The following ANKS1A variants were observed in gnomAD, a reference collection of about 807,000 sequenced individuals.
ANKS1A encodes the protein ankyrin repeat and sterile alpha motif domain containing 1A, also known as ankyrin repeat and SAM domain-containing protein 1A.
ANKS1A carries 55 observed loss-of-function variants against 120.3 expected under a neutral mutation model. The observed-to-expected ratio is 0.46, with a 90% CI of 0.37 to 0.57. The LOEUF (loss-of-function observed/expected upper bound fraction) is 0.57. Among genes scored for constraint, ANKS1A ranks in the 20% least tolerant of loss-of-function variants. ANKS1A has a pLI of 0.00. For missense variants in ANKS1A, 1,123 were observed against 1,480.3 expected, an observed-to-expected ratio of 0.76 and a Z score of 3.96; for synonymous variants, 590 against 604.7, an observed-to-expected ratio of 0.98 and a Z score of 0.36.
At position 35,086,859 on chromosome 6, in the gene ANKS1A, G is replaced by A. The variant is rs1376980528; in HGVS notation, c.3304-93G>A. 6.0e-5 allele frequency: 76 copies of A among 1,272,110 alleles called. No individual in the cohort carries two copies. Among genetic ancestry groups the A allele is most frequent in the Non-Finnish European group, 8.0e-6 (7 of 872,448 alleles). 78.8% of individuals were successfully genotyped at this position (1,272,110 alleles called of 1,614,324 possible). The stretch of plus-strand genomic sequence containing the variant: ...TAAGGGCTGCCCCTCCCAGCACAGG[G>A]GCCACAGCCTGGCCTGGGGGTGGGA... On this transcript the variant is annotated intron_variant, in intron 22 of 23. Transcript: ENST00000360359. The surrounding 1 kb of genome is among the most constrained non-coding windows in gnomAD (Gnocchi z 5.1).
Position 35,050,328 on chromosome 6 carries a change from T to C in ANKS1A, c.2011-3771T>C, listed in dbSNP as rs1000496982. Among the ~76,000 whole-genome samples the C allele has an allele frequency of 3.0e-4, 46 of 152,270 alleles. No homozygotes were observed. The highest frequency in any genetic ancestry group is 1.1e-3 in the African/African-American group (44 of 41,564). ...ATATTAACAAACACGAGTATAAGTTTTCAGTCAGTTCACGTGAAGTGCACT... is the reference window on the plus strand; with the variant it reads ...ATATTAACAAACACGAGTATAAGTTCTCAGTCAGTTCACGTGAAGTGCACT... On this transcript the variant is annotated intron_variant, in intron 11 of 23. Transcript: ENST00000360359. This position sits in a 1 kb window ranked among gnomAD's most constrained non-coding sequence, Gnocchi z 4.3.
At chr6:34,977,848 C>G (rs1232588274) in intron 3 of ANKS1A, among the ~76,000 whole-genome samples, 1 of 152,180 alleles carries the variant, frequency 6.6e-6, no homozygotes, top group Non-Finnish European at 1.5e-5. Flanking sequence ...GTGTCCCTAA[C>G]TTCAGTATCT....
intron 8 of ANKS1A, among the ~76,000 whole-genome samples, chr6:34,989,021 C>A (rs1772366699): frequency 6.6e-6 from 1 of 152,148 alleles, no homozygotes; most frequent in African/African-American, 2.4e-5. Flanking sequence ...CTACAGACAT[C>A]AAAAACCATA....
rs973681792 is a variant in ANKS1A, at chr6:34,934,369, C to G, written c.198-32870C>G. ...TTCACTGTGTTAGCCAGGACGGTCT[C>G]TATCTCCTGACCTTGTGATCCGCCC... On this transcript the variant is annotated intron_variant, in intron 1 of 23. Coordinates refer to ENST00000360359, the MANE Select transcript of ANKS1A (RefSeq NM_015245.3). 1.3e-5 allele frequency among the ~76,000 whole-genome samples: 2 copies of G among 152,130 alleles called. 1 individual carries two copies. The highest frequency in any genetic ancestry group is 4.1e-4 in the South Asian group (2 of 4,836).
intron 11 of ANKS1A, among the ~76,000 whole-genome samples, chr6:35,037,975 G>A (rs547812068): frequency 2.9e-4 from 44 of 152,126 alleles, no homozygotes; most frequent in South Asian, 1.2e-3. Context: ...CAGGGAGAGG[G>A]CACGATGGAG....
chr6:35,052,534 C>A (rs1436885909), intron 11 of ANKS1A, among the ~76,000 whole-genome samples: 1 of 141,478 alleles, frequency 7.1e-6, no homozygotes, highest in Non-Finnish European at 1.5e-5. Context: ...GGAGTCTTAG[C>A]TATTCAGTGG....
chr6:34,989,789 A>G (rs1394429182), intron 9 of ANKS1A, among the ~76,000 whole-genome samples: 6 of 152,212 alleles, frequency 3.9e-5, no homozygotes, highest in African/African-American at 1.2e-4. Context: ...TGAAGACTCA[A>G]TTAGAAAAGA....
At chr6:35,095,756 A>G (rs1778452013), downstream of ANKS1A, among the ~76,000 whole-genome samples, 1 of 152,114 alleles carries the variant, frequency 6.6e-6, no homozygotes, top group South Asian at 2.1e-4. Flanking sequence ...ACCTAGCACA[A>G]AGACCATCAC....
chr6:35,017,193 A>G (rs951129437), intron 10 of ANKS1A, among the ~76,000 whole-genome samples: 2 of 152,180 alleles, frequency 1.3e-5, no homozygotes, highest in African/African-American at 4.8e-5. Context: ...GTTAACAGAA[A>G]TCTAACAACA....
At chr6:34,915,149 T>C (rs990855343) in intron 1 of ANKS1A, among the ~76,000 whole-genome samples, 1 of 152,250 alleles carries the variant, frequency 6.6e-6, no homozygotes, top group Non-Finnish European at 1.5e-5. Flanking sequence ...CAGGGTCATT[T>C]GAAGTCTATC....
At chr6:34,898,781 C>T (rs145628172) in intron 1 of ANKS1A, among the ~76,000 whole-genome samples, 14 of 151,780 alleles carry the variant, frequency 9.2e-5, no homozygotes, top group East Asian at 1.9e-4. Flanking sequence ...CATGTTTTCA[C>T]GAACTATATT....
intron 1 of ANKS1A, among the ~76,000 whole-genome samples, chr6:34,933,703 T>G (rs1172196829): frequency 4.6e-5 from 7 of 152,242 alleles, no homozygotes; most frequent in African/African-American, 7.2e-5. Context: ...CAACTGCCCT[T>G]CCTTCAAACA....
In ANKS1A at chr6:35,090,755, CAGGGGCAGA is replaced by C. The variant is rs1350121553; in HGVS notation, c.*2147_*2155del. 3.0e-6 allele frequency: 3 copies of C among 986,874 alleles called. No individual in the cohort carries two copies. Among genetic ancestry groups the C allele is most frequent in the Admixed American group, 6.1e-5 (1 of 16,452 alleles). The allele number at this position is 986,874 out of a possible 1,614,324, so 61.1% of individuals were successfully genotyped here. ...GCACTTCTCCAAGTGCAGGTCACAC[CAGGGGCAGA>C]CCCTGTCGCTGCGTTTCTGAACTGT... On this transcript the variant is annotated 3_prime_UTR_variant, in exon 24 of 24. Coordinates refer to ENST00000360359, the MANE Select transcript of ANKS1A (RefSeq NM_015245.3).
chr6:34,948,501 C>G (rs1769915060), intron 1 of ANKS1A, among the ~76,000 whole-genome samples: 1 of 152,116 alleles, frequency 6.6e-6, no homozygotes, highest in African/African-American at 2.4e-5. Context: ...TCTCTTGATT[C>G]AAAGTAAATA....
In ANKS1A at chr6:34,983,423, A is replaced by T; in HGVS notation, c.1010A>T (p.Gln337Leu). Residue 337 changes from glutamine to leucine, a missense_variant and splice_region_variant, in exon 7 of 24, where the codon CAG (glutamine) becomes CTG (leucine). Physicochemically the swap from Gln to Leu is moderately radical, Grantham distance 113. Transcript: ENST00000360359. ...SSMDSISQKSQGDVEKAVTEL... is the reference protein window; with the variant it reads ...SSMDSISQKSLGDVEKAVTEL... ...ATGGACTCCATATCACAGAAGTCTC[A>T]GGGTAAGGTAACTCTCCCCTATGAG... 6.2e-7 allele frequency: 1 copy of T among 1,611,488 alleles called. No homozygotes were observed. The highest frequency in any genetic ancestry group is 1.1e-5 in the South Asian group (1 of 90,606).
At chr6:34,992,823 TGTTAACAAACAG>T (rs1258443609) in intron 9 of ANKS1A, among the ~76,000 whole-genome samples, 5 of 152,236 alleles carry the variant, frequency 3.3e-5, no homozygotes, top group Non-Finnish European at 5.9e-5. Flanking sequence ...GTGGCAGCCT[TGTTAACAAACAG>T]GAGCTGCAGT....
chr6:34,924,564 T>C (rs554777196), intron 1 of ANKS1A, among the ~76,000 whole-genome samples: 3 of 152,276 alleles, frequency 2.0e-5, no homozygotes, highest in Non-Finnish European at 4.4e-5. Context: ...ACAGGGTCTT[T>C]TGAATTTCCA....
Position 34,985,133 on chromosome 6 carries a change from C to A in ANKS1A, c.1064C>A (p.Ala355Asp), listed in dbSNP as rs6930932. Residue 355 changes from alanine (A) to aspartate (D), a missense_variant, in exon 8 of 24, where the codon GCT (alanine) becomes GAT (aspartate). Coordinates refer to ENST00000360359, the MANE Select transcript of ANKS1A (RefSeq NM_015245.3). ...TELIIDFDAN[A>D]EEEGPYEALY... ...CTGATTATAGATTTTGATGCAAATGCTGAAGAAGAGGGTCCCTACGAAGCT... is the reference window on the plus strand; with the variant it reads ...CTGATTATAGATTTTGATGCAAATGATGAAGAAGAGGGTCCCTACGAAGCT... 2.0e-3 allele frequency: 3,167 copies of A among 1,614,134 alleles called. 54 individuals carry two copies. In the African/African-American group the frequency reaches 0.03, roughly 15 times the overall value.
At chr6:34,989,639 C>T (rs1008715660) in intron 9 of ANKS1A, among the ~76,000 whole-genome samples, 4 of 152,154 alleles carry the variant, frequency 2.6e-5, no homozygotes, top group Admixed American at 1.3e-4. Flanking sequence ...GTAGAGCTTC[C>T]CTTTAATCAC....
Sources: allele counts gnomAD v4.1 joint callset (sites outside exome capture counted in the v4.1 genomes callset), GRCh38; gene constraint gnomAD v4.1.1; non-coding constraint Gnocchi (gnomAD v3.1); transcripts MANE v1.5; gene names NCBI Gene and HGNC (gene_info 2026-07-23, HGNC 2026-07-21).